Variants in FAM13A observed in about 807,000 individuals in gnomAD.
FAM13A encodes the protein family with sequence similarity 13 member A.
A neutral mutation model predicts 129.6 loss-of-function variants in FAM13A; 76 were observed. The ratio of observed to expected loss-of-function variants is 0.59; its 90% CI spans 0.49 to 0.71. The LOEUF (loss-of-function observed/expected upper bound fraction) is 0.71, where lower values mean the gene tolerates loss of function less well. FAM13A is among the 30% of genes least tolerant of loss of function. FAM13A has a pLI of 0.00. For synonymous variants in FAM13A, 443 were observed against 449.9 expected (o/e 0.98, Z 0.20); for missense variants, 1,108 against 1,249.3 (o/e 0.89, Z 1.70).
At chr4:88,902,280 C>A (rs2150213355) in intron 6 of FAM13A, among the ~76,000 whole-genome samples, 1 of 152,186 alleles carries the variant, frequency 6.6e-6, no homozygotes, top group South Asian at 2.1e-4. Flanking sequence ...ATCCTGATAC[C>A]AAAACCTGGC....
intron 7 of FAM13A, among the ~76,000 whole-genome samples, chr4:88,816,121 G>T (rs1730667714): frequency 6.6e-6 from 1 of 151,900 alleles, no homozygotes; most frequent in African/African-American, 2.4e-5. Context: ...AAAAGAAGCA[G>T]AAGAGGAAAC....
Position 88,873,837 on chromosome 4 carries a change from A to G in FAM13A, c.844-22654T>C, listed in dbSNP as rs549192174. ...AAGCCTGGCAGAGACACAACAACAAAAAAGAGAATTTTAGACCAATATCCT... is the reference window on the plus strand; with the variant it reads ...AAGCCTGGCAGAGACACAACAACAAGAAAGAGAATTTTAGACCAATATCCT... On this transcript the variant is annotated intron_variant, in intron 6 of 23. Coordinates refer to ENST00000264344, the MANE Select transcript of FAM13A (RefSeq NM_014883.4). Among the ~76,000 whole-genome samples the G allele has an allele frequency of 2.2e-3, 328 of 152,296 alleles. 2 individuals are homozygous for G. Among genetic ancestry groups the G allele is most frequent in the African/African-American group, 7.3e-3 (304 of 41,566 alleles).
chr4:88,989,022 AC>A (rs1762607004), intron 4 of FAM13A, among the ~76,000 whole-genome samples: 1 of 151,984 alleles, frequency 6.6e-6, no homozygotes, highest in South Asian at 2.1e-4. Context: ...AGCCTGGCCA[AC>A]ATGGTGAAAC....
chr4:88,811,813 C>T (rs564704221), intron 7 of FAM13A, among the ~76,000 whole-genome samples: 149 of 152,250 alleles, frequency 9.8e-4, no homozygotes, highest in African/African-American at 3.2e-3. Context: ...TTTTCCTTAA[C>T]GACTTTTATC....
intron 11 of FAM13A, among the ~76,000 whole-genome samples, chr4:88,771,553 A>C (rs1226768510): frequency 1.3e-5 from 2 of 152,188 alleles, no homozygotes; most frequent in East Asian, 3.8e-4. Context: ...TAATGTTTTC[A>C]TTGATTAGAG....
intron 21 of FAM13A, among the ~76,000 whole-genome samples, chr4:88,735,747 G>A (rs974979492): frequency 6.6e-6 from 1 of 152,138 alleles, no homozygotes; most frequent in Middle Eastern, 3.2e-3. Flanking sequence ...GGAACAAAGT[G>A]AACCAAAAGA....
At chr4:88,899,400 T>C (rs2150201474) in intron 6 of FAM13A, among the ~76,000 whole-genome samples, 1 of 152,118 alleles carries the variant, frequency 6.6e-6, no homozygotes. Context: ...GCTTGGGTGA[T>C]AAGTGAACCA....
chr4:88,916,369 CT>C (rs1750120208), intron 5 of FAM13A, among the ~76,000 whole-genome samples: 1 of 152,170 alleles, frequency 6.6e-6, no homozygotes. Flanking sequence ...GAAGCTCCAT[CT>C]AACAACTTTA....
chr4:88,987,266 T>C (rs1762352959), intron 4 of FAM13A, among the ~76,000 whole-genome samples: 1 of 152,066 alleles, frequency 6.6e-6, no homozygotes, highest in African/African-American at 2.4e-5. Flanking sequence ...AAATCAACAT[T>C]CTACAACCCA....
intron 3 of FAM13A, among the ~76,000 whole-genome samples, chr4:89,007,401 C>T (rs1034734734): frequency 3.9e-5 from 6 of 152,098 alleles, no homozygotes; most frequent in African/African-American, 7.2e-5. Flanking sequence ...GGAATTAAGG[C>T]CTGTCACCAA....
chr4:89,057,124 G>GAA lies in FAM13A; in HGVS notation c.-161_-160insTT. 1 of 1,446,624 alleles carries GAA rather than the reference G, an allele frequency of 6.9e-7. No homozygotes were observed. The allele number at this position is 1,446,624 out of a possible 1,614,324, so 89.6% of individuals were successfully genotyped here. A position where few individuals can be genotyped will look rare whatever the true frequency, so the allele number is the denominator to read the frequency against. ...GCGAAGAGCAGCTTCTAACATTTTAGGAAGAGTGGTTTTGCTTCTCTTTCC... is the reference window on the plus strand; with the variant it reads ...GCGAAGAGCAGCTTCTAACATTTTAGAAGAAGAGTGGTTTTGCTTCTCTTTCC... On this transcript the variant is annotated 5_prime_UTR_variant, in exon 1 of 24. It removes the in-frame stop codon of an upstream open reading frame in the 5' UTR. Transcript: ENST00000264344.
chr4:88,778,870 A>G (rs1449018637), intron 11 of FAM13A, among the ~76,000 whole-genome samples: 1 of 152,126 alleles, frequency 6.6e-6, no homozygotes, highest in African/African-American at 2.4e-5. Context: ...TCAATATTCC[A>G]GAAAACAATT....
chr4:88,938,822 G>A (rs1754259732), intron 4 of FAM13A, among the ~76,000 whole-genome samples: 1 of 151,788 alleles, frequency 6.6e-6, no homozygotes, highest in South Asian at 2.1e-4. Flanking sequence ...CCATAAACAA[G>A]GTAAAAAGAT....
chr4:88,933,843 G>A (rs13149750), intron 5 of FAM13A, among the ~76,000 whole-genome samples: 85,370 of 151,960 alleles, frequency 0.56, 24,093 homozygotes, highest in Admixed American at 0.59. Context: ...AAGTCACAAC[G>A]TAGCACTCTT....
chr4:88,847,825 T>A (rs1736920253), intron 7 of FAM13A, among the ~76,000 whole-genome samples: 1 of 151,932 alleles, frequency 6.6e-6, no homozygotes, highest in Admixed American at 6.6e-5. Context: ...TAGTCCCAGC[T>A]ACTCAGGAGG....
chr4:88,733,296 A>G (rs1426104710), intron 21 of FAM13A, among the ~76,000 whole-genome samples: 1 of 152,142 alleles, frequency 6.6e-6, no homozygotes, highest in Non-Finnish European at 1.5e-5. Flanking sequence ...CAAAACAAAA[A>G]AGGACTATCA....
At chr4:88,809,083 C>G (rs1400267966) in intron 7 of FAM13A, among the ~76,000 whole-genome samples, 2 of 152,006 alleles carry the variant, frequency 1.3e-5, no homozygotes, top group Non-Finnish European at 2.9e-5. Flanking sequence ...CATGAGTTAC[C>G]CTAATTTCTA....
At chr4:88,949,359 T>C (rs1175508980) in intron 4 of FAM13A, among the ~76,000 whole-genome samples, 1 of 152,156 alleles carries the variant, frequency 6.6e-6, no homozygotes, top group East Asian at 1.9e-4. Context: ...CCACATACAT[T>C]CCATGCAGAT....
chr4:88,958,233 A>T (rs1758064535), intron 4 of FAM13A, among the ~76,000 whole-genome samples: 1 of 152,156 alleles, frequency 6.6e-6, no homozygotes, highest in Non-Finnish European at 1.5e-5. Flanking sequence ...CCCTCCCATC[A>T]CAGGCCCAGA....
Sources: gnomAD v4.1 joint callset for allele counts (sites outside exome capture counted in the v4.1 genomes callset) on GRCh38, gnomAD v4.1.1 for gene constraint, MANE v1.5 for transcripts, NCBI Gene and HGNC (gene_info 2026-07-23, HGNC 2026-07-21) for gene names.